The following GLT8D1 variants were observed in gnomAD, a reference collection of about 807,000 sequenced individuals.
The protein encoded by GLT8D1 is glycosyltransferase 8 domain containing 1.
GLT8D1 carries 41 observed loss-of-function variants against 46.2 expected under a neutral mutation model. The observed-to-expected ratio is 0.89, with a 90% CI of 0.69 to 1.15. The LOEUF (loss-of-function observed/expected upper bound fraction) is 1.15. Ranked by LOEUF, GLT8D1 falls within the 50% of genes most tolerant of loss-of-function variation. The pLI is 0.00. For synonymous variants in GLT8D1, 150 were observed against 154.2 expected, an observed-to-expected ratio of 0.97 and a Z score of 0.20; for missense variants, 408 against 449.3, an observed-to-expected ratio of 0.91 and a Z score of 0.83.
chr3:52,701,456 C>T (rs1486855332), intron 1 of GLT8D1: 2 of 152,178 alleles, frequency 1.3e-5, no homozygotes, highest in Admixed American at 6.5e-5. Context: ...GCAACCTCTG[C>T]CTCCCGCATT....
intron 3 of GLT8D1, among the ~76,000 whole-genome samples, chr3:52,698,700 CTG>C (rs1419652287): frequency 1.3e-5 from 2 of 150,904 alleles, no homozygotes; most frequent in African/African-American, 4.9e-5. Flanking sequence ...AAAAAGAAAA[CTG>C]AATTAGAATA....
intron 7 of GLT8D1, 83 bp from the exon 8 acceptor site, chr3:52,695,670 TAA>T: frequency 1.3e-6 from 1 of 789,058 alleles, no homozygotes; most frequent in South Asian, 1.6e-5. Context: ...GAAGAGCTGT[TAA>T]ACTGACTTCT....
In GLT8D1 at chr3:52,695,779, G is replaced by A. The variant is rs939241759; in HGVS notation, c.645+149C>T. 3 of 642,622 alleles carry A rather than the reference G, an allele frequency of 4.7e-6. No individual in the cohort carries two copies. In the African/African-American group the frequency reaches 5.5e-5, roughly 12 times the overall value. The allele number at this position is 642,622 out of a possible 1,614,324, so 39.8% of individuals were successfully genotyped here. A position where few individuals can be genotyped will look rare whatever the true frequency, so the allele number is the denominator to read the frequency against. Reference sequence around the variant, plus strand: ...TGTTCAAGAACAATTAGGCTGTCAAGTCCATGAAGAAGTCTACAGAAAAGC... The same window carrying A: ...TGTTCAAGAACAATTAGGCTGTCAAATCCATGAAGAAGTCTACAGAAAAGC... On this transcript the variant is annotated intron_variant, in intron 7 of 9. Coordinates refer to ENST00000266014, the MANE Select transcript of GLT8D1 (RefSeq NM_018446.4).
chr3:52,700,150 C>G (rs2097338034), intron 3 of GLT8D1, 112 bp downstream of exon 3: 1 of 690,170 alleles, frequency 1.4e-6, no homozygotes, highest in Non-Finnish European at 2.5e-6. Context: ...AGATCAAACC[C>G]TTAACAAACA....
chr3:52,696,078 G>A (rs1175111706), intron 6 of GLT8D1, 38 bp from the exon 7 acceptor site: 3 of 1,388,170 alleles, frequency 2.2e-6, no homozygotes, highest in Admixed American at 1.7e-5. Flanking sequence ...CATTTCCGTT[G>A]CCTTGAGAGT....
chr3:52,704,573 T>G (rs112273172), intron 1 of GLT8D1, among the ~76,000 whole-genome samples: 1 of 147,630 alleles, frequency 6.8e-6, no homozygotes, highest in African/African-American at 2.5e-5. Flanking sequence ...GAAACAGGAA[T>G]AAACTCTTGC....
At chr3:52,696,083 G>A in intron 6 of GLT8D1, 43 bp from the exon 7 acceptor site, 1 of 1,360,816 alleles carries the variant, frequency 7.3e-7, no homozygotes, top group Non-Finnish European at 1.1e-6. Flanking sequence ...CCGTTGCCTT[G>A]AGAGTTCCCT....
intron 1 of GLT8D1, among the ~76,000 whole-genome samples, chr3:52,704,480 AAAAG>A (rs2097342096): frequency 6.6e-6 from 1 of 151,346 alleles, no homozygotes; most frequent in African/African-American, 2.4e-5. Flanking sequence ...AAAAAAAAAA[AAAAG>A]ACCACACAGA....
intron 4 of GLT8D1, among the ~76,000 whole-genome samples, 158 bp from the exon 5 acceptor site, chr3:52,696,817 A>C (rs1349910416): frequency 1.3e-5 from 2 of 152,224 alleles, no homozygotes; most frequent in Admixed American, 1.3e-4. Context: ...AATTCCCACC[A>C]AAGTCCCTCC....
chr3:52,696,170 GTTTTA>G, intron 6 of GLT8D1, 59 bp downstream of exon 6: 2 of 1,249,460 alleles, frequency 1.6e-6, no homozygotes, highest in South Asian at 2.4e-5. Flanking sequence ...GTAGCCCATT[GTTTTA>G]TTTAGCAATT....
In GLT8D1 at chr3:52,694,965, A is replaced by G; in HGVS notation, c.996T>C (p.His332=). The G allele has an allele frequency of 6.2e-7, 1 of 1,611,400 alleles. No individual in the cohort carries two copies. The highest frequency in any genetic ancestry group is 8.5e-7 in the Non-Finnish European group (1 of 1,177,484). ...AAGCAGTCCTTCCCCATGGCTTCAA[A>G]TGTCCATTCCAATGGAGTAACTTGG... ...KAAKLLHWNG[H]LKPWGRTASY... is the part of the protein sequence containing the mutation. The change falls in exon 10 of 10, where the codon CAT becomes CAC. Residue 332 remains histidine (H), a synonymous_variant. Transcript: ENST00000266014.
At chr3:52,699,709 C>A (rs950019465) in intron 3 of GLT8D1, among the ~76,000 whole-genome samples, 2 of 152,118 alleles carry the variant, frequency 1.3e-5, no homozygotes, top group South Asian at 4.1e-4. Context: ...CATATATACA[C>A]GTGATAAAAC....
intron 1 of GLT8D1, chr3:52,703,906 G>C (rs1007743500): frequency 1.3e-5 from 2 of 152,152 alleles, no homozygotes; most frequent in African/African-American, 4.8e-5. Context: ...TTCTCAAAAC[G>C]AAATTGCACA....
chr3:52,700,640 A>G (rs944393246), intron 1 of GLT8D1, 144 bp from the exon 2 acceptor site: 3 of 483,332 alleles, frequency 6.2e-6, no homozygotes, highest in Non-Finnish European at 1.1e-5. Context: ...TTGAATTCAC[A>G]GTTCCCAAGA....
Position 52,697,862 on chromosome 3 carries a change from T to G in GLT8D1, c.188A>C (p.Gln63Pro). The G allele has an allele frequency of 6.2e-7, 1 of 1,613,672 alleles. No individual in the cohort carries two copies. Among genetic ancestry groups the G allele is most frequent in the Non-Finnish European group, 8.5e-7 (1 of 1,179,620 alleles). The change falls in exon 4 of 10, where the codon CAA (glutamine) becomes CCA (proline). Residue 63 changes from glutamine to proline, a missense_variant. Gln to Pro is a moderately conservative substitution (Grantham distance 76). Transcript: ENST00000266014. ...AGCGATGACCACAGGAATCTCCTCT[T>G]GTCTCCCATCTACTGCATGTCGGAG... is the stretch of plus-strand genomic sequence containing the variant. The part of the protein sequence containing the change: ...NALRHAVDGR[Q>P]EEIPVVIAAS...
At position 52,695,219 on chromosome 3, in the gene GLT8D1, A is replaced by G. The variant is rs1466162053; in HGVS notation, c.896T>C (p.Ile299Thr). The change falls in exon 9 of 10, where the codon ATC becomes ACC. Residue 299 changes from isoleucine (I) to threonine (T), a missense_variant. Coordinates refer to ENST00000266014, the MANE Select transcript of GLT8D1 (RefSeq NM_018446.4). ...GTGGCGGACATTCCACATAGGATCG[A>G]TGGTAGAGTGCTGTTGATAAAATAC... ...LIVFYQQHST[I>T]DPMWNVRHLG... The G allele has an allele frequency of 1.2e-6, 2 of 1,613,500 alleles. No homozygotes were observed. The highest frequency in any genetic ancestry group is 1.7e-6 in the Non-Finnish European group (2 of 1,179,678).
At chr3:52,701,348 CA>C (rs71087010) in intron 1 of GLT8D1, 256 of 139,684 alleles carry the variant, frequency 1.8e-3, no homozygotes, top group South Asian at 0.01. Context: ...TTGTAACTAG[CA>C]AAAAAAAAAA....
chr3:52,704,564 A>C (rs2097342266), intron 1 of GLT8D1, among the ~76,000 whole-genome samples: 1 of 152,038 alleles, frequency 6.6e-6, no homozygotes, highest in Admixed American at 6.6e-5. Context: ...CATGAGAAGG[A>C]AACAGGAATA....
At position 52,697,811 on chromosome 3, in the gene GLT8D1, G is replaced by A. The variant is rs138720022; in HGVS notation, c.239C>T (p.Ala80Val). The change falls in exon 4 of 10, where the codon GCC (alanine) becomes GTC (valine). Residue 80 changes from alanine to valine, a missense_variant. By Grantham distance (64) the Ala-to-Val change is moderately conservative (BLOSUM62 0). Transcript: ENST00000266014. ...CTGAATGCTGTTTATAGCTGCAATG[G>A]CCCCCCCAAGCCTGTCTTCAGATGC... The part of the protein sequence containing the change: ...IAASEDRLGG[A>V]IAAINSIQHN... 8.7e-5 allele frequency: 141 copies of A among 1,612,802 alleles called. No homozygotes were observed. The highest frequency in any genetic ancestry group is 1.1e-4 in the Non-Finnish European group (133 of 1,179,040).
Sources: allele counts gnomAD v4.1 joint callset (sites outside exome capture counted in the v4.1 genomes callset), GRCh38; gene constraint gnomAD v4.1.1; transcripts MANE v1.5; gene names NCBI Gene and HGNC (gene_info 2026-07-23, HGNC 2026-07-21).